Variants in SLC25A21 observed in about 807,000 individuals in gnomAD.
SLC25A21 encodes mitochondrial 2-oxodicarboxylate carrier.
In SLC25A21, 47 loss-of-function variants were observed where a neutral mutation model predicts 43.8. The ratio of observed to expected loss-of-function variants is 1.07; its 90% CI spans 0.85 to 1.37. SLC25A21 has a LOEUF of 1.37. Among genes scored for constraint, SLC25A21 ranks in the 40% most tolerant of loss-of-function variants. The pLI, the probability that SLC25A21 is intolerant of heterozygous loss-of-function variation, is 0.00. For synonymous variants in SLC25A21, 131 were observed against 121.3 expected, an observed-to-expected ratio of 1.08 and a Z score of -0.52; for missense variants, 352 against 350.2, an observed-to-expected ratio of 1.00 and a Z score of -0.04.
intron 1 of SLC25A21, among the ~76,000 whole-genome samples, chr14:37,162,240 T>C (rs760020572): frequency 5.3e-5 from 8 of 152,204 alleles, no homozygotes; most frequent in Non-Finnish European, 1.0e-4. Flanking sequence ...TGGTAGTTTC[T>C]TTTGCTGTGC....
At chr14:37,093,756 A>G (rs1208242068) in intron 1 of SLC25A21, among the ~76,000 whole-genome samples, 1 of 152,168 alleles carries the variant, frequency 6.6e-6, no homozygotes, top group East Asian at 1.9e-4. Flanking sequence ...AAAATTAATG[A>G]TTTCTTTAAC....
chr14:36,955,927 C>A (rs1489376386), intron 1 of SLC25A21, among the ~76,000 whole-genome samples: 2 of 152,132 alleles, frequency 1.3e-5, no homozygotes, highest in African/African-American at 4.8e-5. Context: ...AAACTTGGTA[C>A]CAGATATAAA....
intron 1 of SLC25A21, among the ~76,000 whole-genome samples, chr14:36,881,866 T>C (rs1431503315): frequency 6.6e-6 from 1 of 152,168 alleles, no homozygotes; most frequent in Non-Finnish European, 1.5e-5. Context: ...CCCAAAGTAG[T>C]AGCCATAAAC....
intron 3 of SLC25A21, among the ~76,000 whole-genome samples, chr14:36,763,621 C>A (rs951988180): frequency 2.6e-5 from 4 of 152,084 alleles, no homozygotes; most frequent in African/African-American, 9.7e-5. Flanking sequence ...TAGCTTTTTA[C>A]TGTTGTAGAG....
intron 2 of SLC25A21, among the ~76,000 whole-genome samples, chr14:36,818,895 G>T (rs934876855): frequency 6.6e-6 from 1 of 152,134 alleles, no homozygotes; most frequent in Non-Finnish European, 1.5e-5. Context: ...CAATTTTCCA[G>T]TTACATAATA....
chr14:36,853,679 C>T (rs572275979), intron 2 of SLC25A21, among the ~76,000 whole-genome samples: 3 of 152,192 alleles, frequency 2.0e-5, no homozygotes, highest in East Asian at 1.9e-4. Flanking sequence ...CATGTTTTGA[C>T]GGCTGCAACT....
chr14:37,058,773 T>A (rs1961884144), intron 1 of SLC25A21, among the ~76,000 whole-genome samples: 1 of 152,230 alleles, frequency 6.6e-6, no homozygotes, highest in African/African-American at 2.4e-5. Flanking sequence ...CTGCTGAGGC[T>A]GATACTTGGT....
At position 37,019,553 on chromosome 14, in the gene SLC25A21, T is replaced by C. The variant is rs374407253; in HGVS notation, c.71-144549A>G. 4.0e-5 allele frequency among the ~76,000 whole-genome samples: 6 copies of C among 151,896 alleles called. No individual in the cohort carries two copies. In the East Asian group the frequency reaches 5.8e-4, roughly 15 times the overall value. ...GAGCTCTGGGGCATGCCTGAAGAGT[T>C]AGAAAGACATTTCAGCATATAGCAT... On this transcript the variant is annotated intron_variant, in intron 1 of 9. Transcript: ENST00000331299.
chr14:37,006,036 C>G (rs1960596466), intron 1 of SLC25A21, among the ~76,000 whole-genome samples: 1 of 152,014 alleles, frequency 6.6e-6, no homozygotes, highest in African/African-American at 2.4e-5. Context: ...GATGGTATTA[C>G]AAATTTTAAA....
intron 2 of SLC25A21, among the ~76,000 whole-genome samples, chr14:36,833,185 T>C (rs1376914348): frequency 6.6e-6 from 1 of 152,176 alleles, no homozygotes; most frequent in East Asian, 1.9e-4. Flanking sequence ...ATTCTATATA[T>C]ATACACACAG....
At chr14:36,863,679 C>A (rs887893461) in intron 2 of SLC25A21, among the ~76,000 whole-genome samples, 6 of 152,154 alleles carry the variant, frequency 3.9e-5, no homozygotes, top group African/African-American at 1.4e-4. Context: ...TAATTTTAGT[C>A]TATGGCAGCA....
At chr14:36,684,096 A>C (rs1255438134) in intron 8 of SLC25A21, among the ~76,000 whole-genome samples, 2 of 152,344 alleles carry the variant, frequency 1.3e-5, no homozygotes, top group Non-Finnish European at 2.9e-5. Context: ...GGTCCTGTCC[A>C]ATCAGAAACA....
At chr14:36,985,219 T>C (rs1251926484) in intron 1 of SLC25A21, among the ~76,000 whole-genome samples, 1 of 150,838 alleles carries the variant, frequency 6.6e-6, no homozygotes, top group African/African-American at 2.4e-5. Flanking sequence ...GAGATATACC[T>C]AATGCTAGAT....
chr14:36,776,383 C>T lies in SLC25A21; in HGVS notation c.203+37535G>A, dbSNP rs372177945. Among the ~76,000 whole-genome samples, 2 of 151,256 alleles carry T rather than the reference C, an allele frequency of 1.3e-5. 1 individual carries two copies. The highest frequency in any genetic ancestry group is 1.3e-4 in the Admixed American group (2 of 15,188). On this transcript the variant is annotated intron_variant, in intron 3 of 9. Coordinates refer to ENST00000331299, the MANE Select transcript of SLC25A21 (RefSeq NM_030631.4). Reference sequence around the variant, plus strand: ...TCCCGAGTAGCTGGGACTACAGGTGCCCGCCACCATGCCAGGCTAATTTTT... The same window carrying T: ...TCCCGAGTAGCTGGGACTACAGGTGTCCGCCACCATGCCAGGCTAATTTTT...
intron 1 of SLC25A21, among the ~76,000 whole-genome samples, chr14:37,025,006 T>C (rs921662393): frequency 1.3e-5 from 2 of 152,118 alleles, no homozygotes; most frequent in African/African-American, 2.4e-5. Context: ...AAATTAACAC[T>C]GTCTAGAATT....
intron 1 of SLC25A21, among the ~76,000 whole-genome samples, chr14:37,015,420 T>C (rs1960831299): frequency 6.6e-6 from 1 of 152,082 alleles, no homozygotes; most frequent in African/African-American, 2.4e-5. Context: ...ATATGCCACA[T>C]TTTCTTAATC....
intron 4 of SLC25A21, among the ~76,000 whole-genome samples, chr14:36,732,250 T>C (rs1884855459): frequency 6.6e-6 from 1 of 152,026 alleles, no homozygotes; most frequent in African/African-American, 2.4e-5. Flanking sequence ...ATACTATGAT[T>C]GGTATAGGTA....
chr14:36,822,093 G>A (rs575590491), intron 2 of SLC25A21, among the ~76,000 whole-genome samples: 4 of 152,304 alleles, frequency 2.6e-5, no homozygotes, highest in African/African-American at 9.6e-5. Flanking sequence ...GGGGACAGGA[G>A]ATGTTAGTAA....
chr14:37,170,863 T>A (rs1433620555), intron 1 of SLC25A21, among the ~76,000 whole-genome samples: 1 of 150,248 alleles, frequency 6.7e-6, no homozygotes, highest in Non-Finnish European at 1.5e-5. Flanking sequence ...AGTGAGAGGA[T>A]CACTTGAGCC....
Sources: allele counts gnomAD v4.1 joint callset (sites outside exome capture counted in the v4.1 genomes callset), GRCh38; gene constraint gnomAD v4.1.1; transcripts MANE v1.5; gene names NCBI Gene and HGNC (gene_info 2026-07-23, HGNC 2026-07-21).